THSD7B: variants seen among roughly 807,000 people sequenced by gnomAD.
THSD7B encodes the protein thrombospondin type-1 domain-containing protein 7B.
THSD7B carries 138 observed loss-of-function variants against 213.6 expected under a neutral mutation model. That is an observed-to-expected ratio of 0.65 (90% CI 0.56 to 0.74). THSD7B has a LOEUF of 0.74. Among genes scored for constraint, THSD7B ranks in the 30% least tolerant of loss-of-function variants. The pLI is 0.00. For synonymous variants in THSD7B, 742 were observed against 687.0 expected, an observed-to-expected ratio of 1.08 and a Z score of -1.25; for missense variants, 1,931 against 1,991.5, an observed-to-expected ratio of 0.97 and a Z score of 0.58.
chr2:137,298,827 T>C (rs1399597283), intron 12 of THSD7B, among the ~76,000 whole-genome samples: 3 of 152,150 alleles, frequency 2.0e-5, no homozygotes, highest in African/African-American at 7.2e-5. Flanking sequence ...AGAAGTTGTA[T>C]GGAAATGACT....
chr2:136,806,398 T>G (rs780782860), intron 1 of THSD7B, among the ~76,000 whole-genome samples: 4 of 152,224 alleles, frequency 2.6e-5, no homozygotes, highest in Non-Finnish European at 4.4e-5. Context: ...CTCCTCAGGC[T>G]GTTCTGAGAG....
At chr2:136,776,892 C>A (rs1681618426) in intron 1 of THSD7B, among the ~76,000 whole-genome samples, 1 of 151,846 alleles carries the variant, frequency 6.6e-6, no homozygotes, top group African/African-American at 2.4e-5. Context: ...AGAAAGAAAA[C>A]ATACAGATAT....
At chr2:137,560,196 C>T (rs1042992917) in intron 15 of THSD7B, among the ~76,000 whole-genome samples, 1 of 152,164 alleles carries the variant, frequency 6.6e-6, no homozygotes, top group Non-Finnish European at 1.5e-5. Flanking sequence ...TTTGACCCAG[C>T]CATCCCATTG....
At chr2:136,980,632 C>T (rs755806283) in intron 2 of THSD7B, among the ~76,000 whole-genome samples, 176 of 152,274 alleles carry the variant, frequency 1.2e-3, no homozygotes, top group Middle Eastern at 3.4e-3. Context: ...ATGGTGGTCA[C>T]CCCTCCCCTG....
chr2:136,834,783 A>G (rs1682818059), intron 1 of THSD7B, among the ~76,000 whole-genome samples: 1 of 152,140 alleles, frequency 6.6e-6, no homozygotes. Flanking sequence ...GCTACTTACC[A>G]CTCAGTTTTA....
At chr2:137,275,586 C>G in intron 11 of THSD7B, among the ~76,000 whole-genome samples, 1 of 149,234 alleles carries the variant, frequency 6.7e-6, no homozygotes. Flanking sequence ...AACTAAAGAA[C>G]TAGACCCTCC....
chr2:137,496,441 T>G (rs1410337386), intron 15 of THSD7B, among the ~76,000 whole-genome samples: 1 of 152,182 alleles, frequency 6.6e-6, no homozygotes, highest in Non-Finnish European at 1.5e-5. Context: ...CTCCCAATAA[T>G]GGGCCTATTT....
chr2:137,359,114 A>G (rs1685198511), intron 12 of THSD7B, among the ~76,000 whole-genome samples: 1 of 152,204 alleles, frequency 6.6e-6, no homozygotes, highest in African/African-American at 2.4e-5. Flanking sequence ...TCTTTCCCAC[A>G]TGAACCTTTG....
At chr2:136,972,106 A>G (rs1573741989) in intron 2 of THSD7B, among the ~76,000 whole-genome samples, 1 of 152,128 alleles carries the variant, frequency 6.6e-6, no homozygotes. Flanking sequence ...GCATATCTAC[A>G]CCTGCAACCA....
intron 12 of THSD7B, among the ~76,000 whole-genome samples, chr2:137,326,230 G>A (rs909751010): frequency 2.0e-5 from 3 of 152,234 alleles, no homozygotes; most frequent in African/African-American, 4.8e-5. Flanking sequence ...ATACCCAAAG[G>A]AAAATCAGCA....
intron 5 of THSD7B, 133 bp from the exon 6 acceptor site, chr2:137,160,080 T>C: frequency 1.7e-5 from 18 of 1,045,594 alleles, no homozygotes; most frequent in Non-Finnish European, 8.0e-6. Context: ...TTAGAAAGTG[T>C]TGATGTTTTC....
intron 7 of THSD7B, among the ~76,000 whole-genome samples, chr2:137,198,659 T>TG (rs1404646017): frequency 6.6e-6 from 1 of 152,088 alleles, no homozygotes; most frequent in African/African-American, 2.4e-5. Context: ...ATAAAAAGGC[T>TG]GGGGGTGGGA....
chr2:137,269,008 T>G (rs912033493), intron 10 of THSD7B, among the ~76,000 whole-genome samples: 1 of 152,090 alleles, frequency 6.6e-6, no homozygotes, highest in Non-Finnish European at 1.5e-5. Context: ...GCTAAATATG[T>G]CCATTGCAAA....
chr2:137,400,360 G>A (rs1423422182), intron 12 of THSD7B, among the ~76,000 whole-genome samples: 1 of 151,930 alleles, frequency 6.6e-6, no homozygotes, highest in Non-Finnish European at 1.5e-5. Flanking sequence ...AGCAACAGTA[G>A]CTTCTTATTT....
intron 17 of THSD7B, among the ~76,000 whole-genome samples, chr2:137,606,619 C>A (rs1442671090): frequency 6.6e-6 from 1 of 152,086 alleles, no homozygotes; most frequent in Non-Finnish European, 1.5e-5. Context: ...ACTCTGCTGG[C>A]AGAGACTGGA....
intron 12 of THSD7B, among the ~76,000 whole-genome samples, chr2:137,314,910 C>T (rs952218376): frequency 7.9e-5 from 12 of 152,222 alleles, no homozygotes; most frequent in South Asian, 6.2e-4. Flanking sequence ...CTCTCTTCAA[C>T]GCTGTCAGAC....
At chr2:137,561,100 AAGAAGGT>A (rs1187540339) in intron 15 of THSD7B, among the ~76,000 whole-genome samples, 1 of 152,186 alleles carries the variant, frequency 6.6e-6, no homozygotes, top group African/African-American at 2.4e-5. Flanking sequence ...GCTATTACTC[AAGAAGGT>A]ATCTCCACAT....
intron 14 of THSD7B, among the ~76,000 whole-genome samples, chr2:137,443,471 A>G (rs1687463034): frequency 6.6e-6 from 1 of 152,162 alleles, no homozygotes; most frequent in Admixed American, 6.6e-5. Flanking sequence ...CATACAACAT[A>G]TGTACTTGAT....
intron 3 of THSD7B, among the ~76,000 whole-genome samples, chr2:137,084,430 G>A (rs1339979247): frequency 6.6e-6 from 1 of 152,150 alleles, no homozygotes; most frequent in Non-Finnish European, 1.5e-5. Context: ...TGTTGAAGAA[G>A]CAAATCAATT....
Sources: allele counts gnomAD v4.1 joint callset (sites outside exome capture counted in the v4.1 genomes callset), GRCh38; gene constraint gnomAD v4.1.1; transcripts MANE v1.5; gene names NCBI Gene and HGNC (gene_info 2026-07-23, HGNC 2026-07-21).